Variants in MAP2K5 observed in about 807,000 individuals in gnomAD.
The protein encoded by MAP2K5 is dual specificity mitogen-activated protein kinase kinase 5.
In MAP2K5, 49 loss-of-function variants were observed where a neutral mutation model predicts 83.1. The observed-to-expected ratio is 0.59, with a 90% confidence interval of 0.47 to 0.75. The LOEUF (loss-of-function observed/expected upper bound fraction) is 0.75, where lower values mean the gene tolerates loss of function less well. MAP2K5 is among the 30% of genes least tolerant of loss of function. The pLI, the probability that MAP2K5 is intolerant of heterozygous loss-of-function variation, is 0.00. For missense variants in MAP2K5, 457 were observed against 557.5 expected, an observed-to-expected ratio of 0.82 and a Z score of 1.82; for synonymous variants, 202 against 191.8, an observed-to-expected ratio of 1.05 and a Z score of -0.44.
intron 19 of MAP2K5, among the ~76,000 whole-genome samples, chr15:67,751,411 C>T (rs2089715464): frequency 6.6e-6 from 1 of 152,164 alleles, no homozygotes; most frequent in Admixed American, 6.5e-5. Context: ...TGCTTCTCAA[C>T]AGAACTTCTT....
chr15:67,617,930 G>A (rs2086090899), intron 8 of MAP2K5, among the ~76,000 whole-genome samples: 1 of 152,160 alleles, frequency 6.6e-6, no homozygotes, highest in East Asian at 1.9e-4. Context: ...TTGGACTCAA[G>A]CAATCCTCCC....
Position 67,807,011 on chromosome 15 carries a change from T to A in MAP2K5, c.*261T>A. 7.1e-7 allele frequency: 1 copy of A among 1,414,874 alleles called. No individual in the cohort carries two copies. The highest frequency in any genetic ancestry group is 1.4e-5 in the South Asian group (1 of 73,154). 87.6% of individuals were successfully genotyped at this position (1,414,874 alleles called of 1,614,324 possible). A position where few individuals can be genotyped will look rare whatever the true frequency, so the allele number is the denominator to read the frequency against. ...AGGGTGGGGCATTGAGAATGGAGGC[T>A]CCCAGGGTCCCTGCCCACTTCTGTT... On this transcript the variant is annotated 3_prime_UTR_variant, in exon 22 of 22. Transcript: ENST00000178640. This position sits in a 1 kb window ranked among gnomAD's most constrained non-coding sequence, Gnocchi z 5.1.
intron 19 of MAP2K5, among the ~76,000 whole-genome samples, chr15:67,761,146 G>A (rs755106662): frequency 5.0e-4 from 76 of 151,592 alleles, no homozygotes; most frequent in Non-Finnish European, 1.6e-4. Flanking sequence ...GATGTTTTGA[G>A]GTCCAGAGTA....
chr15:67,719,620 T>C lies in MAP2K5; in HGVS notation c.1045-8296T>C, dbSNP rs2088905316. Among the ~76,000 whole-genome samples, 1 of 152,058 alleles carries C rather than the reference T, an allele frequency of 6.6e-6. No homozygotes were observed. Among genetic ancestry groups the C allele is most frequent in the Admixed American group, 6.5e-5 (1 of 15,274 alleles). ...AGTGGTATGAAGTTTGTCTACAAAA[T>C]TGTGGGTAGAGTCTTCTAGGATTAA... On this transcript the variant is annotated intron_variant, in intron 16 of 21. Transcript: ENST00000178640. The surrounding 1 kb of genome is among the most constrained non-coding windows in gnomAD (Gnocchi z 4.6).
Position 67,563,406 on chromosome 15 carries a change from C to G in MAP2K5, c.252+56C>G, listed in dbSNP as rs960256266. On this transcript the variant is annotated intron_variant, in intron 3 of 21. Coordinates refer to ENST00000178640, the MANE Select transcript of MAP2K5 (RefSeq NM_145160.3). This position sits in a 1 kb window ranked among gnomAD's most constrained non-coding sequence, Gnocchi z 4.5. Reference sequence around the variant, plus strand: ...TAAAATCTTAACGTGATTGAGGATGCTGTTTCTTGGGCATAGTGAAGACGA... The same window carrying G: ...TAAAATCTTAACGTGATTGAGGATGGTGTTTCTTGGGCATAGTGAAGACGA... 1.9e-6 allele frequency: 3 copies of G among 1,568,774 alleles called. No individual in the cohort carries two copies. Among genetic ancestry groups the G allele is most frequent in the Non-Finnish European group, 2.6e-6 (3 of 1,158,406 alleles).
chr15:67,714,480 T>C (rs1401561522), intron 16 of MAP2K5, among the ~76,000 whole-genome samples: 1 of 131,684 alleles, frequency 7.6e-6, no homozygotes, highest in Non-Finnish European at 1.6e-5. Context: ...CAGCTGTTTC[T>C]AATGGGTGTG....
At chr15:67,679,047 T>C (rs2141180780) in intron 13 of MAP2K5, among the ~76,000 whole-genome samples, 1 of 151,644 alleles carries the variant, frequency 6.6e-6, no homozygotes, top group Middle Eastern at 3.4e-3. Flanking sequence ...ACTCCAACTG[T>C]AGTTTTGTGA....
At chr15:67,635,460 T>G (rs2086582791) in intron 9 of MAP2K5, among the ~76,000 whole-genome samples, 1 of 152,082 alleles carries the variant, frequency 6.6e-6, no homozygotes, top group South Asian at 2.1e-4. Flanking sequence ...CAGGTGTGAG[T>G]CACCGTGCCC....
At chr15:67,712,957 T>A (rs2088730792) in intron 16 of MAP2K5, among the ~76,000 whole-genome samples, 1 of 150,470 alleles carries the variant, frequency 6.6e-6, no homozygotes, top group Non-Finnish European at 1.5e-5. Flanking sequence ...TGACAACTTC[T>A]CATTAAAGAA....
At chr15:67,674,335 T>A (rs2141172423) in intron 13 of MAP2K5, among the ~76,000 whole-genome samples, 1 of 152,302 alleles carries the variant, frequency 6.6e-6, no homozygotes, top group East Asian at 1.9e-4. Context: ...GTTATACAAG[T>A]GCTAGTGTTG....
chr15:67,596,481 T>C (rs2085530168), intron 7 of MAP2K5, among the ~76,000 whole-genome samples: 1 of 152,178 alleles, frequency 6.6e-6, no homozygotes, highest in South Asian at 2.1e-4. Flanking sequence ...GGAATATATA[T>C]CTACTGTAAA....
chr15:67,667,053 T>C (rs1031769936), intron 13 of MAP2K5, among the ~76,000 whole-genome samples: 3 of 152,234 alleles, frequency 2.0e-5, no homozygotes, highest in Non-Finnish European at 4.4e-5. Context: ...CATGTGTTTT[T>C]ACTGAAGCGT....
intron 2 of MAP2K5, among the ~76,000 whole-genome samples, chr15:67,554,819 A>G (rs1330199645): frequency 6.6e-6 from 1 of 152,258 alleles, no homozygotes; most frequent in African/African-American, 2.4e-5. Flanking sequence ...ATGTGTGTCC[A>G]TATTCAAATG....
chr15:67,657,730 A>G (rs918190130), intron 11 of MAP2K5, among the ~76,000 whole-genome samples: 12 of 151,998 alleles, frequency 7.9e-5, no homozygotes, highest in Admixed American at 1.3e-4. Context: ...CCATATATAT[A>G]TATATATGCA....
chr15:67,656,871 C>A (rs2087095468), intron 11 of MAP2K5, among the ~76,000 whole-genome samples: 1 of 152,120 alleles, frequency 6.6e-6, no homozygotes, highest in South Asian at 2.1e-4. Flanking sequence ...AAAAATTAAA[C>A]CAACCCCTTC....
intron 16 of MAP2K5, among the ~76,000 whole-genome samples, chr15:67,715,834 G>A (rs1280828729): frequency 9.9e-5 from 15 of 152,180 alleles, no homozygotes; most frequent in Admixed American, 9.2e-4. Context: ...TTTCTATTCA[G>A]TATAAAGAAG....
chr15:67,641,539 CTAATT>C (rs1174097973), intron 9 of MAP2K5: 1 of 997,296 alleles, frequency 1.0e-6, no homozygotes, highest in Non-Finnish European at 1.2e-6. Context: ...TAGCCTCACA[CTAATT>C]TAAATTGAGC....
In MAP2K5 at chr15:67,659,718, C is replaced by CA. The variant is rs537404876; in HGVS notation, c.798+1111dup. ...GTTTAATAACATGTATAATAAAGGG[C>CA]AAAAAAAGGCAAGGATACCAATTGA... is the stretch of plus-strand genomic sequence containing the variant. On this transcript the variant is annotated intron_variant, in intron 12 of 21. Transcript: ENST00000178640. Among the ~76,000 whole-genome samples, 35 of 151,310 alleles carry CA rather than the reference C, an allele frequency of 2.3e-4. No individual in the cohort carries two copies. In the East Asian group the frequency reaches 4.3e-3, roughly 18 times the overall value.
At chr15:67,650,844 G>A (rs936943455) in intron 11 of MAP2K5, among the ~76,000 whole-genome samples, 1 of 152,136 alleles carries the variant, frequency 6.6e-6, no homozygotes, top group South Asian at 2.1e-4. Context: ...TGGCCTTATA[G>A]AATGAGTTTG....
Sources: gnomAD v4.1 joint callset for allele counts (sites outside exome capture counted in the v4.1 genomes callset) on GRCh38, gnomAD v4.1.1 for gene constraint, Gnocchi (gnomAD v3.1) non-coding constraint, MANE v1.5 for transcripts, NCBI Gene and HGNC (gene_info 2026-07-23, HGNC 2026-07-21) for gene names.